The following SEC31A variants were observed in gnomAD, a reference collection of about 807,000 sequenced individuals.
The protein encoded by SEC31A is protein transport protein Sec31A.
In SEC31A, 70 loss-of-function variants were observed where a neutral mutation model predicts 151.0. The ratio of observed to expected loss-of-function variants is 0.46; its 90% CI spans 0.38 to 0.57. The LOEUF (loss-of-function observed/expected upper bound fraction) is 0.57. Among genes scored for constraint, SEC31A ranks in the 20% least tolerant of loss-of-function variants. The pLI is 0.00. For synonymous variants in SEC31A, 475 were observed against 505.9 expected, an observed-to-expected ratio of 0.94 and a Z score of 0.82; for missense variants, 1,330 against 1,471.2, an observed-to-expected ratio of 0.90 and a Z score of 1.57.
Position 82,827,393 on chromosome 4 carries a change from C to T in SEC31A, c.3267G>A (p.Gly1089=). Residue 1089 remains glycine (G), a synonymous_variant, in exon 24 of 27, where the codon GGG becomes GGA. Transcript: ENST00000395310. Reference sequence around the variant, plus strand: ...CCTGGAAGGTATTTCCAATAGGAGCCCCTGGGGCACCTTCAATATTGGGCT... The same window carrying T: ...CCTGGAAGGTATTTCCAATAGGAGCTCCTGGGGCACCTTCAATATTGGGCT... ...FSKPNIEGAP[G]APIGNTFQHV... is the part of the protein sequence containing the mutation. 6.2e-7 allele frequency: 1 copy of T among 1,614,196 alleles called. No individual in the cohort carries two copies. The highest frequency in any genetic ancestry group is 8.5e-7 in the Non-Finnish European group (1 of 1,180,016).
Position 82,837,180 on chromosome 4 carries a change from T to C in SEC31A, c.2968+4960A>G, listed in dbSNP as rs933257786. The stretch of plus-strand genomic sequence containing the variant: ...TATCATATATATATATATATATATA[T>C]ATATATATATATATATATAATTTCA... On this transcript the variant is annotated intron_variant, in intron 22 of 26. Transcript: ENST00000395310. Among the ~76,000 whole-genome samples, 80 of 51,400 alleles carry C rather than the reference T, an allele frequency of 1.6e-3. 1 individual carries two copies. Among genetic ancestry groups the C allele is most frequent in the African/African-American group, 3.2e-3 (75 of 23,606 alleles). 33.7% of individuals were successfully genotyped at this position (51,400 alleles called of 152,430 possible).
At chr4:82,837,075 A>G (rs1578161363) in intron 22 of SEC31A, among the ~76,000 whole-genome samples, 1 of 149,668 alleles carries the variant, frequency 6.7e-6, no homozygotes, top group African/African-American at 2.5e-5. Flanking sequence ...AAATTTTTTA[A>G]AAGTTCTGCT....
At chr4:82,847,146 G>T (rs1395176505) in intron 20 of SEC31A, among the ~76,000 whole-genome samples, 1 of 152,240 alleles carries the variant, frequency 6.6e-6, no homozygotes, top group Admixed American at 6.5e-5. Context: ...GTTCTGGGGA[G>T]TGAAGTCATA....
In SEC31A at chr4:82,856,996, T is replaced by C. The variant is rs1339931365; in HGVS notation, c.1837A>G (p.Thr613Ala). 2 of 1,611,890 alleles carry C rather than the reference T, an allele frequency of 1.2e-6. No homozygotes were observed. The highest frequency in any genetic ancestry group is 1.7e-6 in the Non-Finnish European group (2 of 1,179,406). Residue 613 changes from threonine to alanine, a missense_variant, in exon 16 of 27, where the codon ACC (threonine) becomes GCC (alanine). Transcript: ENST00000395310. The stretch of plus-strand genomic sequence containing the variant: ...GATTTTGCGAAGTATTTTTTCTGGG[T>C]TCGAGCCAAGAGTTCTTGTCCACCT... ...IAGGQELLARTQKKYFAKSQS... is the reference protein window; with the variant it reads ...IAGGQELLARAQKKYFAKSQS...
chr4:82,874,560 T>A (rs980335552), intron 6 of SEC31A, 51 bp downstream of exon 6: 1 of 1,505,466 alleles, frequency 6.6e-7, no homozygotes, highest in Admixed American at 2.5e-5. Context: ...AATATAGGAA[T>A]ACCTACAGCA....
chr4:82,838,975 TG>T (rs1728092320), intron 22 of SEC31A, among the ~76,000 whole-genome samples: 1 of 152,170 alleles, frequency 6.6e-6, no homozygotes, highest in Non-Finnish European at 1.5e-5. Context: ...ACAAAATTTT[TG>T]TTTATAATTA....
intron 8 of SEC31A, among the ~76,000 whole-genome samples, chr4:82,868,742 C>T (rs1735966561): frequency 6.6e-6 from 1 of 152,012 alleles, no homozygotes; most frequent in African/African-American, 2.4e-5. Flanking sequence ...GATGACTAGG[C>T]TGGAGTGCAG....
At chr4:82,885,777 C>T (rs368814531) in intron 1 of SEC31A, among the ~76,000 whole-genome samples, 1 of 152,170 alleles carries the variant, frequency 6.6e-6, no homozygotes, top group African/African-American at 2.4e-5. Context: ...TTAACATTTA[C>T]ATTTTATTCT....
intron 24 of SEC31A, 40 bp downstream of exon 24, chr4:82,827,329 C>G (rs978898031): frequency 6.3e-7 from 1 of 1,584,372 alleles, no homozygotes; most frequent in Non-Finnish European, 8.6e-7. Flanking sequence ...TACTGAAACA[C>G]AGCCATCTTC....
chr4:82,888,445 A>G (rs887411164), intron 1 of SEC31A, among the ~76,000 whole-genome samples: 3 of 102,244 alleles, frequency 2.9e-5, no homozygotes, highest in African/African-American at 4.5e-5. Flanking sequence ...TAATCCCAGC[A>G]CTTTGGAAGG....
chr4:82,827,224 T>C (rs1212122897), intron 24 of SEC31A, 145 bp downstream of exon 24: 3 of 873,788 alleles, frequency 3.4e-6, no homozygotes, highest in Non-Finnish European at 5.3e-6. Context: ...ACATACATGA[T>C]CGATCTTAAA....
intron 25 of SEC31A, chr4:82,821,434 G>C: frequency 4.9e-6 from 1 of 203,746 alleles, no homozygotes; most frequent in South Asian, 8.1e-5. Flanking sequence ...TGTAATCCCA[G>C]CTAGTCGGAA....
chr4:82,846,152 T>C (rs1325202972), intron 20 of SEC31A, among the ~76,000 whole-genome samples: 1 of 151,570 alleles, frequency 6.6e-6, no homozygotes, highest in African/African-American at 2.4e-5. Context: ...TACAGGCGCC[T>C]GCCACCATGC....
At position 82,828,984 on chromosome 4, in the gene SEC31A, C is replaced by T. The variant is rs1375161599; in HGVS notation, c.3027+16G>A. On this transcript the variant is annotated intron_variant, in intron 23 of 26. Coordinates refer to ENST00000395310, the MANE Select transcript of SEC31A (RefSeq NM_001077207.4). ...TAACATCTGTAGGCCATTGGATGGA[C>T]ATCTTTTTCTAGTACCTTCTTCTTT... 6.2e-7 allele frequency: 1 copy of T among 1,609,860 alleles called. No homozygotes were observed. The highest frequency in any genetic ancestry group is 1.1e-5 in the South Asian group (1 of 90,986).
At position 82,864,463 on chromosome 4, in the gene SEC31A, G is replaced by A. The variant is rs751304276; in HGVS notation, c.1333C>T (p.Leu445Phe). ...CCTTGTGACTGCACAGCCTGCTGAA[G>A]TTGGTCTGATCGGCTGAGGAACTCC... ...EKEFLSRSDQ[L>F]QQAVQSQGFI... is the part of the protein sequence containing the mutation. The change falls in exon 11 of 27, where the codon CTT becomes TTT. Residue 445 changes from leucine to phenylalanine, a missense_variant. Coordinates refer to ENST00000395310, the MANE Select transcript of SEC31A (RefSeq NM_001077207.4). 3.7e-6 allele frequency: 6 copies of A among 1,614,104 alleles called. No individual in the cohort carries two copies. Among genetic ancestry groups the A allele is most frequent in the African/African-American group, 1.3e-5 (1 of 74,950 alleles).
intron 4 of SEC31A, 98 bp from the exon 5 acceptor site, chr4:82,875,920 A>AT: frequency 3.7e-6 from 2 of 540,280 alleles, no homozygotes; most frequent in Non-Finnish European, 6.4e-6. Context: ...TGTAGCATAC[A>AT]CAATTTTTCT....
At chr4:82,881,131 T>A (rs1357198317) in intron 2 of SEC31A, among the ~76,000 whole-genome samples, 3 of 152,256 alleles carry the variant, frequency 2.0e-5, no homozygotes, top group Non-Finnish European at 4.4e-5. Flanking sequence ...TGTAAATAAT[T>A]TTTTAAGCCT....
intron 8 of SEC31A, among the ~76,000 whole-genome samples, chr4:82,867,964 G>C (rs755396514): frequency 4.6e-5 from 7 of 152,194 alleles, no homozygotes; most frequent in Non-Finnish European, 1.0e-4. Context: ...TAAAAGATTA[G>C]TGATGTCCTG....
intron 3 of SEC31A, chr4:82,898,100 A>T (rs964289664): frequency 6.6e-6 from 1 of 152,134 alleles, no homozygotes; most frequent in African/African-American, 2.4e-5. Context: ...TTTTTGTGCA[A>T]TAGTCAATGC....
Sources: allele counts gnomAD v4.1 joint callset (sites outside exome capture counted in the v4.1 genomes callset), GRCh38; gene constraint gnomAD v4.1.1; transcripts MANE v1.5; gene names NCBI Gene and HGNC (gene_info 2026-07-23, HGNC 2026-07-21).